CEP85L: variants seen among roughly 807,000 people sequenced by gnomAD.
CEP85L encodes the protein centrosomal protein of 85 kDa-like.
A neutral mutation model predicts 100.3 loss-of-function variants in CEP85L; 60 were observed. That is an observed-to-expected ratio of 0.60 (90% CI 0.49 to 0.74). CEP85L has a LOEUF of 0.74. Among genes scored for constraint, CEP85L ranks in the 30% least tolerant of loss-of-function variants. The probability of loss-of-function intolerance (pLI) is 0.00; values close to 1 mark genes in which losing one functional copy is unlikely to be tolerated. For synonymous variants in CEP85L, 319 were observed against 322.7 expected, an observed-to-expected ratio of 0.99 and a Z score of 0.12; for missense variants, 973 against 936.2, an observed-to-expected ratio of 1.04 and a Z score of -0.51.
chr6:118,582,017 T>C (rs771850722), intron 2 of CEP85L, among the ~76,000 whole-genome samples: 1 of 152,224 alleles, frequency 6.6e-6, no homozygotes, highest in Non-Finnish European at 1.5e-5. Context: ...TTACAAGTTC[T>C]GTACAATTGA....
At chr6:118,631,441 A>G (rs1049516474) in intron 2 of CEP85L, among the ~76,000 whole-genome samples, 1 of 152,248 alleles carries the variant, frequency 6.6e-6, no homozygotes, top group African/African-American at 2.4e-5. Context: ...ATGCTACTAC[A>G]CAATCCAGCT....
intron 1 of CEP85L, among the ~76,000 whole-genome samples, chr6:118,666,621 A>G (rs924378274): frequency 2.0e-5 from 3 of 152,180 alleles, no homozygotes; most frequent in Non-Finnish European, 4.4e-5. Flanking sequence ...ACACATGGAA[A>G]GGTCAGGATT....
At chr6:118,628,804 A>T (rs1562322403) in intron 2 of CEP85L, among the ~76,000 whole-genome samples, 1 of 152,238 alleles carries the variant, frequency 6.6e-6, no homozygotes, top group Non-Finnish European at 1.5e-5. Context: ...AAATAACATA[A>T]TAGAAAACCT....
chr6:118,709,556 T>TGTGA (rs751698371), intron 1 of CEP85L, among the ~76,000 whole-genome samples: 9 of 142,224 alleles, frequency 6.3e-5, no homozygotes, highest in African/African-American at 2.5e-4. Flanking sequence ...TGTGTGTGTG[T>TGTGA]GAGAGAGAGA....
chr6:118,707,760 T>C (rs1273620743), intron 1 of CEP85L, among the ~76,000 whole-genome samples: 1 of 152,228 alleles, frequency 6.6e-6, no homozygotes, highest in Non-Finnish European at 1.5e-5. Flanking sequence ...AACTTTTATG[T>C]ATTAAAATAG....
At position 118,554,273 on chromosome 6, in the gene CEP85L, C is replaced by T. The variant is rs549654276; in HGVS notation, c.1020+11256G>A. 2.0e-4 allele frequency among the ~76,000 whole-genome samples: 31 copies of T among 152,154 alleles called. No individual in the cohort carries two copies. In the South Asian group the frequency reaches 6.4e-3, roughly 32 times the overall value. The stretch of plus-strand genomic sequence containing the variant: ...CTGCACTCCAGCCTGGGTGACAGAG[C>T]AAGACCCTGTCAGTCATTCATTCAT... On this transcript the variant is annotated intron_variant, in intron 3 of 12. Coordinates refer to ENST00000368491, the MANE Select transcript of CEP85L (RefSeq NM_001042475.3).
At chr6:118,613,194 A>G (rs984915282) in intron 2 of CEP85L, among the ~76,000 whole-genome samples, 13 of 152,140 alleles carry the variant, frequency 8.5e-5, no homozygotes, top group South Asian at 4.2e-4. Context: ...CTGGGCAACA[A>G]GAGCAAAACT....
At chr6:118,573,771 G>T (rs1344572000) in intron 2 of CEP85L, among the ~76,000 whole-genome samples, 1 of 152,132 alleles carries the variant, frequency 6.6e-6, no homozygotes, top group Non-Finnish European at 1.5e-5. Context: ...GAGATGGTGT[G>T]ACTGGATAGC....
At chr6:118,610,399 A>C (rs938876398) in intron 2 of CEP85L, among the ~76,000 whole-genome samples, 1 of 152,028 alleles carries the variant, frequency 6.6e-6, no homozygotes, top group Non-Finnish European at 1.5e-5. Context: ...TAGGGCCTTT[A>C]CTCCTGTCCA....
At chr6:118,672,892 A>C (rs1002917015) in intron 1 of CEP85L, among the ~76,000 whole-genome samples, 1 of 151,920 alleles carries the variant, frequency 6.6e-6, no homozygotes, top group African/African-American at 2.4e-5. Flanking sequence ...ACGAAGAAGA[A>C]GAGAAAGAAG....
intron 7 of CEP85L, among the ~76,000 whole-genome samples, chr6:118,482,903 C>T (rs1363819258): frequency 6.6e-6 from 1 of 152,146 alleles, no homozygotes; most frequent in African/African-American, 2.4e-5. Context: ...AGATTAGATT[C>T]TTGAGTGGGG....
intron 1 of CEP85L, among the ~76,000 whole-genome samples, chr6:118,671,351 C>A (rs753890992): frequency 6.6e-6 from 1 of 151,926 alleles, no homozygotes; most frequent in Non-Finnish European, 1.5e-5. Context: ...AAATTGTTAT[C>A]GTTATTATGT....
At chr6:118,583,300 T>C (rs1469394828) in intron 2 of CEP85L, among the ~76,000 whole-genome samples, 1 of 152,148 alleles carries the variant, frequency 6.6e-6, no homozygotes, top group African/African-American at 2.4e-5. Context: ...TCCTTCTGGA[T>C]ACTGAAGCCA....
intron 3 of CEP85L, among the ~76,000 whole-genome samples, chr6:118,527,193 G>A (rs1261446536): frequency 6.6e-6 from 1 of 151,724 alleles, no homozygotes; most frequent in Admixed American, 6.6e-5. Flanking sequence ...TAGTAGAGAC[G>A]GAGGTTTCTC....
Position 118,491,741 on chromosome 6 carries a change from A to C in CEP85L, c.1382T>G (p.Phe461Cys). ...AAATAGGCTTAGTCTTTGTTTGAGA[A>C]ACTCATTAAGCTGTAAAACTTCTTT... Reference protein sequence around the residue: ...TEKEVLQLNEFLKQRLSLFSE... With the variant: ...TEKEVLQLNECLKQRLSLFSE... Residue 461 changes from phenylalanine to cysteine, a missense_variant, in exon 6 of 13, where the codon TTT becomes TGT. Phe to Cys is a radical substitution (Grantham distance 205). Transcript: ENST00000368491. 6.2e-7 allele frequency: 1 copy of C among 1,613,222 alleles called. No individual in the cohort carries two copies. Among genetic ancestry groups the C allele is most frequent in the Admixed American group, 1.7e-5 (1 of 59,878 alleles).
chr6:118,535,622 C>G (rs950873856), intron 3 of CEP85L, among the ~76,000 whole-genome samples: 1 of 152,068 alleles, frequency 6.6e-6, no homozygotes, highest in Non-Finnish European at 1.5e-5. Flanking sequence ...TTCCTCTCAC[C>G]CAGGAGGTGA....
intron 3 of CEP85L, among the ~76,000 whole-genome samples, chr6:118,544,857 C>G (rs959231042): frequency 1.3e-5 from 2 of 152,108 alleles, no homozygotes; most frequent in Non-Finnish European, 2.9e-5. Flanking sequence ...TCCCTATTGC[C>G]CTATGGAGAG....
chr6:118,498,642 A>G, intron 5 of CEP85L, among the ~76,000 whole-genome samples: 1 of 138,876 alleles, frequency 7.2e-6, no homozygotes, highest in Non-Finnish European at 1.6e-5. Context: ...GGAAAAAGGG[A>G]GGAAAGGGAG....
chr6:118,499,489 C>T (rs1175636255), intron 5 of CEP85L, among the ~76,000 whole-genome samples: 1 of 151,898 alleles, frequency 6.6e-6, no homozygotes, highest in Admixed American at 6.6e-5. Context: ...TAGGGTGAAA[C>T]CCCGTCTCTA....
Sources: gnomAD v4.1 joint callset for allele counts (sites outside exome capture counted in the v4.1 genomes callset) on GRCh38, gnomAD v4.1.1 for gene constraint, MANE v1.5 for transcripts, NCBI Gene and HGNC (gene_info 2026-07-23, HGNC 2026-07-21) for gene names.